The following PSG11 variants were observed in gnomAD, a reference collection of about 807,000 sequenced individuals.
PSG11 encodes pregnancy-specific beta-1-glycoprotein 11.
A neutral mutation model predicts 36.0 loss-of-function variants in PSG11; 42 were observed. That is an observed-to-expected ratio of 1.17 (90% CI 0.91 to 1.51). The LOEUF is 1.51. Among genes scored for constraint, PSG11 ranks in the 40% most tolerant of loss-of-function variants. The pLI, the probability that PSG11 is intolerant of heterozygous loss-of-function variation, is 0.00. For synonymous variants in PSG11, 206 were observed against 153.5 expected (o/e 1.34, Z -2.53); for missense variants, 558 against 403.5 (o/e 1.38, Z -3.28).
chr19:43,021,530 T>C (rs1967101949), intron 2 of PSG11, among the ~76,000 whole-genome samples: 1 of 151,292 alleles, frequency 6.6e-6, no homozygotes, highest in Non-Finnish European at 1.5e-5. Flanking sequence ...TTTTTGTATT[T>C]TTAGCACAGA....
chr19:43,023,190 G>A (rs1484823132), intron 2 of PSG11, among the ~76,000 whole-genome samples: 1 of 150,484 alleles, frequency 6.6e-6, no homozygotes, highest in African/African-American at 2.5e-5. Context: ...GTGGGGGGAT[G>A]AAACATGGGT....
At chr19:43,025,668 T>TG (rs1282320412) in intron 1 of PSG11, among the ~76,000 whole-genome samples, 2 of 138,904 alleles carry the variant, frequency 1.4e-5, no homozygotes, top group African/African-American at 2.7e-5. Flanking sequence ...TTTTTTTTTT[T>TG]CCCCAATTGT....
At chr19:43,025,113 A>T (rs906884808) in intron 1 of PSG11, 57 bp from the exon 2 acceptor site, 7 of 1,566,024 alleles carry the variant, frequency 4.5e-6, no homozygotes, top group South Asian at 1.2e-5. Flanking sequence ...GGGTGAAAAG[A>T]TGGGGCCCTG....
In PSG11 at chr19:43,021,278, A is replaced by T. The variant is rs184359645; in HGVS notation, c.431-2230T>A. ...CAGTTTTGGAAATTTCTATTGACAC[A>T]TCCTCAAGCTAGGGATTCCTTCCTC... On this transcript the variant is annotated intron_variant, in intron 2 of 5. Coordinates refer to ENST00000320078, the MANE Select transcript of PSG11 (RefSeq NM_002785.3). Among the ~76,000 whole-genome samples the T allele has an allele frequency of 4.6e-5, 7 of 151,484 alleles. 1 individual carries two copies. In the East Asian group the frequency reaches 7.8e-4, roughly 17 times the overall value.
At position 43,010,004 on chromosome 19, in the gene PSG11, T is replaced by C; in HGVS notation, c.1002A>G (p.Pro334=). The C allele has an allele frequency of 6.2e-7, 1 of 1,608,810 alleles. No individual in the cohort carries two copies. The highest frequency in any genetic ancestry group is 1.1e-5 in the South Asian group (1 of 90,700). ...AAAAATGACATCACGGCTGCTACGT[T>C]GGATTATTGAAAGCAAAAGTTCCTA... is the stretch of plus-strand genomic sequence containing the variant. ...PGLGTFAFNN[P]T Residue 334 remains proline, a synonymous_variant, in exon 5 of 6, where the codon CCA becomes CCG. Transcript: ENST00000320078.
chr19:43,008,177 C>T (rs927376571), intron 5 of PSG11, 135 bp from the exon 6 acceptor site: 3 of 265,630 alleles, frequency 1.1e-5, no homozygotes, highest in African/African-American at 2.2e-5. Flanking sequence ...ATGGTAAAGA[C>T]ACAGCTCACA....
In PSG11 at chr19:43,026,369, C is replaced by T; in HGVS notation, c.4G>A (p.Gly2Arg). 1 of 1,609,848 alleles carries T rather than the reference C, an allele frequency of 6.2e-7. No individual in the cohort carries two copies. Among genetic ancestry groups the T allele is most frequent in the Non-Finnish European group, 8.5e-7 (1 of 1,177,766 alleles). MGPLSAPPCTEH... is the reference protein window; with the variant it reads MRPLSAPPCTEH... ...GTGCAGGGAGGGGCTGAGAGGGGCC[C>T]CATGATCTCTGCTGCGTGCATGTTC... Residue 2 changes from glycine (G) to arginine (R), a missense_variant, in exon 1 of 6, where the codon GGG becomes AGG. Coordinates refer to ENST00000320078, the MANE Select transcript of PSG11 (RefSeq NM_002785.3).
chr19:43,021,053 A>G lies in PSG11; in HGVS notation c.431-2005T>C, dbSNP rs183403370. 4.9e-3 allele frequency among the ~76,000 whole-genome samples: 745 copies of G among 151,376 alleles called. 30 individuals are homozygous for G. Among genetic ancestry groups the G allele is most frequent in the Admixed American group, 0.038 (577 of 15,188 alleles). ...AGTTGTATGTGGCACAGGCAGTAAA[A>G]CCATCAGATAGCACCCACCTGGCCA... On this transcript the variant is annotated intron_variant, in intron 2 of 5. Transcript: ENST00000320078.
chr19:43,020,435 T>C (rs1568490974), intron 2 of PSG11, among the ~76,000 whole-genome samples: 1 of 151,250 alleles, frequency 6.6e-6, no homozygotes, highest in Non-Finnish European at 1.5e-5. Context: ...TTTAATACTG[T>C]AATTATCCCA....
intron 5 of PSG11, among the ~76,000 whole-genome samples, chr19:43,009,252 T>C (rs943983751): frequency 2.2e-4 from 33 of 151,318 alleles, no homozygotes; most frequent in Admixed American, 2.0e-4. Context: ...CCTAAAGTCT[T>C]TGTTCTCCAC....
At position 43,018,174 on chromosome 19, in the gene PSG11, A is replaced by G. The variant is rs1210233433; in HGVS notation, c.709+596T>C. On this transcript the variant is annotated intron_variant, in intron 3 of 5. Transcript: ENST00000320078. Reference sequence around the variant, plus strand: ...TCCACCAGTGGCTGAGTTATGGATGAAACAGACATAGACCCCTCTATATGT... The same window carrying G: ...TCCACCAGTGGCTGAGTTATGGATGGAACAGACATAGACCCCTCTATATGT... Among the ~76,000 whole-genome samples, 6 of 151,176 alleles carry G rather than the reference A, an allele frequency of 4.0e-5. 2 individuals are homozygous for G. The highest frequency in any genetic ancestry group is 1.5e-4 in the African/African-American group (6 of 40,908).
intron 5 of PSG11, among the ~76,000 whole-genome samples, chr19:43,009,106 T>G (rs1011882109): frequency 1.3e-5 from 2 of 151,296 alleles, no homozygotes; most frequent in African/African-American, 4.9e-5. Context: ...ATTTCCTGTC[T>G]TAGGCTTTGT....
intron 5 of PSG11, among the ~76,000 whole-genome samples, chr19:43,008,667 T>C (rs921613543): frequency 4.6e-5 from 7 of 151,368 alleles, no homozygotes; most frequent in African/African-American, 1.2e-4. Context: ...TTCTATATAA[T>C]GTAATATATA....
chr19:43,015,272 G>A lies in PSG11; in HGVS notation c.808C>T (p.Gln270Ter), dbSNP rs777069782. Reference sequence around the variant, plus strand: ...TTCCCATTAATTGTCCAAGAATACTGTGCTGGTGGGTTAGAGTTTGCGAAG... The same window carrying A: ...TTCCCATTAATTGTCCAAGAATACTATGCTGGTGGGTTAGAGTTTGCGAAG... ...SCFANSNPPA[Q>*]YSWTINGKFQ... The change falls in exon 4 of 6, where the codon CAG becomes TAG. Residue 270 changes from glutamine (Q) to a stop codon, truncating the protein, a stop_gained. Coordinates refer to ENST00000320078, the MANE Select transcript of PSG11 (RefSeq NM_002785.3). LOFTEE classifies it high-confidence loss of function. 36 of 1,611,294 alleles carry A rather than the reference G, an allele frequency of 2.2e-5. No homozygotes were observed. The highest frequency in any genetic ancestry group is 1.0e-4 in the Admixed American group (6 of 59,848).
chr19:43,020,472 C>G (rs1483731798), intron 2 of PSG11, among the ~76,000 whole-genome samples: 1 of 151,028 alleles, frequency 6.6e-6, no homozygotes, highest in Admixed American at 6.6e-5. Context: ...GATTAGACCT[C>G]ATGTTGTGTT....
At chr19:43,016,057 A>C in intron 3 of PSG11, 1 of 1,602,636 alleles carries the variant, frequency 6.2e-7, no homozygotes, top group Non-Finnish European at 8.5e-7. Context: ...TGTGTGGATA[A>C]CAGAGAGAAG....
At chr19:43,023,135 G>A (rs927727737) in intron 2 of PSG11, among the ~76,000 whole-genome samples, 3 of 150,512 alleles carry the variant, frequency 2.0e-5, no homozygotes, top group African/African-American at 4.9e-5. Flanking sequence ...TGGCCAAAGA[G>A]CTTCAGAGTT....
chr19:43,009,922 C>T, intron 5 of PSG11, 36 bp downstream of exon 5: 1 of 1,473,338 alleles, frequency 6.8e-7, no homozygotes, highest in South Asian at 1.1e-5. Context: ...GCAGTCAGCC[C>T]TGCAGGAACC....
chr19:43,016,807 C>T lies in PSG11; in HGVS notation c.710-1437G>A, dbSNP rs546729448. 5.3e-5 allele frequency among the ~76,000 whole-genome samples: 8 copies of T among 151,624 alleles called. No homozygotes were observed. In the East Asian group the frequency reaches 1.6e-3, roughly 29 times the overall value. On this transcript the variant is annotated intron_variant, in intron 3 of 5. Coordinates refer to ENST00000320078, the MANE Select transcript of PSG11 (RefSeq NM_002785.3). ...GTCCTTTAAGTTTCCTTTCCTTCTG[C>T]AGAGGGCAGGTGAGGACCATGTGGA...
Sources: allele counts gnomAD v4.1 joint callset (sites outside exome capture counted in the v4.1 genomes callset), GRCh38; gene constraint gnomAD v4.1.1; transcripts MANE v1.5; gene names NCBI Gene and HGNC (gene_info 2026-07-23, HGNC 2026-07-21).